Variants in GABRP observed in about 807,000 individuals in gnomAD.
GABRP encodes the protein gamma-aminobutyric acid receptor subunit pi.
In GABRP, 52 loss-of-function variants were observed where a neutral mutation model predicts 47.8. That is an observed-to-expected ratio of 1.09 (90% CI 0.87 to 1.37). The LOEUF (loss-of-function observed/expected upper bound fraction) is 1.37. Ranked by LOEUF, GABRP falls within the 40% of genes most tolerant of loss-of-function variation. The pLI is 0.00. For synonymous variants in GABRP, 221 were observed against 205.8 expected, an observed-to-expected ratio of 1.07 and a Z score of -0.63; for missense variants, 525 against 542.8, an observed-to-expected ratio of 0.97 and a Z score of 0.33.
chr5:170,794,052 C>G (rs910712297), intron 3 of GABRP, among the ~76,000 whole-genome samples, 179 bp from the exon 4 acceptor site: 3 of 152,140 alleles, frequency 2.0e-5, no homozygotes, highest in African/African-American at 7.2e-5. Flanking sequence ...ACACCATACA[C>G]AATGGTTACT....
intron 6 of GABRP, among the ~76,000 whole-genome samples, chr5:170,802,951 C>T (rs1765634581): frequency 6.6e-6 from 1 of 152,160 alleles, no homozygotes; most frequent in African/African-American, 2.4e-5. Context: ...GAACTGATAC[C>T]ATCCCACAGT....
intron 1 of GABRP, among the ~76,000 whole-genome samples, chr5:170,788,033 A>G (rs1157787884): frequency 6.6e-6 from 1 of 152,206 alleles, no homozygotes; most frequent in African/African-American, 2.4e-5. Flanking sequence ...ACAAGGTCCC[A>G]GTCTTAATTT....
chr5:170,806,503 C>T (rs985109339), intron 7 of GABRP, among the ~76,000 whole-genome samples: 3 of 152,180 alleles, frequency 2.0e-5, no homozygotes, highest in Non-Finnish European at 4.4e-5. Context: ...AGTGCAGTGG[C>T]ACGATCTCAG....
intron 6 of GABRP, among the ~76,000 whole-genome samples, chr5:170,798,202 C>T (rs185678973): frequency 9.5e-4 from 145 of 152,258 alleles, no homozygotes; most frequent in African/African-American, 3.3e-3. Context: ...CCACCACGCC[C>T]GGCTAATTTT....
chr5:170,805,624 T>A (rs1765711605), intron 6 of GABRP, 92 bp from the exon 7 acceptor site: 1 of 1,373,182 alleles, frequency 7.3e-7, no homozygotes, highest in East Asian at 2.3e-5. Flanking sequence ...AAGAAAGAAC[T>A]CATGCTGTCT....
intron 7 of GABRP, among the ~76,000 whole-genome samples, chr5:170,806,890 T>G (rs1488712872): frequency 6.6e-6 from 1 of 152,178 alleles, no homozygotes; most frequent in Non-Finnish European, 1.5e-5. Flanking sequence ...ACTTTTCTTA[T>G]TTTCCAAATT....
At position 170,812,146 on chromosome 5, in the gene GABRP, A is replaced by G. The variant is rs1475789350; in HGVS notation, c.1211A>G (p.Asp404Gly). ...VFREKMGRIV[D>G]YFTIQNPSNV... ...CGAGAAAAGATGGGCAGGATTGTTG[A>G]TTATTTCACAATTCAAAACCCCAGT... is the stretch of plus-strand genomic sequence containing the variant. Residue 404 changes from aspartate (D) to glycine (G), a missense_variant, in exon 10 of 10, where the codon GAT becomes GGT. Coordinates refer to ENST00000265294, the MANE Select transcript of GABRP (RefSeq NM_014211.3). 33 of 1,614,134 alleles carry G rather than the reference A, an allele frequency of 2.0e-5. No individual in the cohort carries two copies. The East Asian group carries it at 6.9e-4, about 34-fold the overall frequency.
At chr5:170,805,675 G>T in intron 6 of GABRP, 41 bp from the exon 7 acceptor site, 2 of 1,609,704 alleles carry the variant, frequency 1.2e-6, no homozygotes, top group African/African-American at 1.3e-5. Flanking sequence ...GTTCAATCTG[G>T]AACACCCTTG....
At chr5:170,801,460 A>G (rs1021082274) in intron 6 of GABRP, among the ~76,000 whole-genome samples, 5 of 152,206 alleles carry the variant, frequency 3.3e-5, no homozygotes, top group African/African-American at 1.2e-4. Flanking sequence ...CAGAATGTTC[A>G]ACTGAATTGC....
Position 170,813,294 on chromosome 5 carries a change from TC to T in GABRP, c.*1039del, listed in dbSNP as rs1449073815. On this transcript the variant is annotated 3_prime_UTR_variant, in exon 10 of 10. Transcript: ENST00000265294. The stretch of plus-strand genomic sequence containing the variant: ...TGTATCATTCCAAGAGGAGCATTCA[TC>T]CCTTTGCTCTAATGATCAGGAATGA... The T allele has an allele frequency of 6.6e-6, 1 of 152,208 alleles. No homozygotes were observed. Among genetic ancestry groups the T allele is most frequent in the African/African-American group, 2.4e-5 (1 of 41,450 alleles). 9.4% of individuals were successfully genotyped at this position (152,208 alleles called of 1,614,324 possible). A position where few individuals can be genotyped will look rare whatever the true frequency, so the allele number is the denominator to read the frequency against.
At chr5:170,809,505 G>A in intron 8 of GABRP, 63 bp from the exon 9 acceptor site, 2 of 1,533,628 alleles carry the variant, frequency 1.3e-6, no homozygotes, top group East Asian at 2.2e-5. Context: ...GGGACACTCT[G>A]CCAGGCTATG....
In GABRP at chr5:170,813,271, T is replaced by A. The variant is rs995198965; in HGVS notation, c.*1013T>A. On this transcript the variant is annotated 3_prime_UTR_variant, in exon 10 of 10. Coordinates refer to ENST00000265294, the MANE Select transcript of GABRP (RefSeq NM_014211.3). ...CACTCTCCCAGTGGCAGATCCCCTG[T>A]ATCATTCCAAGAGGAGCATTCATCC... The A allele has an allele frequency of 1.3e-5, 2 of 152,238 alleles. No individual in the cohort carries two copies. Among genetic ancestry groups the A allele is most frequent in the Non-Finnish European group, 2.9e-5 (2 of 68,052 alleles). The allele number at this position is 152,238 out of a possible 1,614,324, so 9.4% of individuals were successfully genotyped here. A position where few individuals can be genotyped will look rare whatever the true frequency, so the allele number is the denominator to read the frequency against.
rs1185645259 is a variant in GABRP, at chr5:170,812,995, A to G, written c.*737A>G. 4 of 152,202 alleles carry G rather than the reference A, an allele frequency of 2.6e-5. No individual in the cohort carries two copies. The highest frequency in any genetic ancestry group is 4.8e-5 in the African/African-American group (2 of 41,452). 9.4% of individuals were successfully genotyped at this position (152,202 alleles called of 1,614,324 possible). On this transcript the variant is annotated 3_prime_UTR_variant, in exon 10 of 10. Transcript: ENST00000265294. ...TTTATTCCCCCACTATGCATATCTT[A>G]TCATTTTATTATTATACACACATCC...
intron 6 of GABRP, among the ~76,000 whole-genome samples, chr5:170,803,701 G>A (rs1469498945): frequency 6.6e-6 from 1 of 151,998 alleles, no homozygotes; most frequent in Non-Finnish European, 1.5e-5. Flanking sequence ...GTATGAATTT[G>A]CCTTTTCTGG....
Position 170,794,304 on chromosome 5 carries a change from C to A in GABRP, c.240+6C>A. 6.3e-7 allele frequency: 1 copy of A among 1,595,252 alleles called. No homozygotes were observed. Among genetic ancestry groups the A allele is most frequent in the Non-Finnish European group, 8.6e-7 (1 of 1,167,712 alleles). On this transcript the variant is annotated splice_donor_region_variant and intron_variant, in intron 4 of 9. Transcript: ENST00000265294. ...GCATTTCAGAGAGTAACATGGTAAG[C>A]GCTGTTCCTTTGTACTCTACCCAAG...
At chr5:170,783,654 G>T (rs1260982117), upstream of GABRP, 1 of 152,222 alleles carries the variant, frequency 6.6e-6, no homozygotes, top group African/African-American at 2.4e-5. Context: ...CAAGGATGGG[G>T]CTTTGAGAGG....
rs1765400917 is a variant in GABRP at position 170,795,414 on chromosome 5, G to C, written c.447G>C (p.Leu149=). ...LIRLFSNGTV[L]YALRITTTVA... The stretch of plus-strand genomic sequence containing the variant: ...GCCTCTTCTCCAATGGCACGGTCCT[G>C]TATGCCCTCAGGTACGCGGACACCT... Residue 149 remains leucine, a synonymous_variant, in exon 5 of 10, where the codon CTG becomes CTC. Coordinates refer to ENST00000265294, the MANE Select transcript of GABRP (RefSeq NM_014211.3). 1 of 1,614,004 alleles carries C rather than the reference G, an allele frequency of 6.2e-7. No individual in the cohort carries two copies. Among genetic ancestry groups the C allele is most frequent in the Non-Finnish European group, 8.5e-7 (1 of 1,179,922 alleles).
At chr5:170,794,353 G>T in intron 4 of GABRP, 55 bp downstream of exon 4, 1 of 989,702 alleles carries the variant, frequency 1.0e-6, no homozygotes, top group South Asian at 1.6e-5. Flanking sequence ...TGTGTTTAAA[G>T]GGGATATGCT....
At chr5:170,790,607 T>A (rs1170252305) in intron 3 of GABRP, among the ~76,000 whole-genome samples, 6 of 152,034 alleles carry the variant, frequency 3.9e-5, no homozygotes, top group Non-Finnish European at 8.8e-5. Context: ...CTGTCAGACC[T>A]GCAGGTCTGG....
Sources: gnomAD v4.1 joint callset for allele counts (sites outside exome capture counted in the v4.1 genomes callset) on GRCh38, gnomAD v4.1.1 for gene constraint, MANE v1.5 for transcripts, NCBI Gene and HGNC (gene_info 2026-07-23, HGNC 2026-07-21) for gene names.